Variants in FBXO42 observed in about 807,000 individuals in gnomAD.
The protein encoded by FBXO42 is F-box only protein 42.
In FBXO42, 12 loss-of-function variants were observed where a neutral mutation model predicts 71.7. That is an observed-to-expected ratio of 0.17 (90% confidence interval 0.11 to 0.27). The LOEUF is 0.27. Ranked by LOEUF, FBXO42 falls within the 10% of genes least tolerant of loss-of-function variation. The probability of loss-of-function intolerance (pLI) is 1.00; values close to 1 mark genes in which losing one functional copy is unlikely to be tolerated. For synonymous variants in FBXO42, 325 were observed against 327.5 expected, an observed-to-expected ratio of 0.99 and a Z score of 0.08; for missense variants, 707 against 911.9, an observed-to-expected ratio of 0.78 and a Z score of 2.89.
chr1:16,256,466 T>C, intron 5 of FBXO42, 140 bp downstream of exon 5: 1 of 825,070 alleles, frequency 1.2e-6, no homozygotes. Context: ...TCTGTGAATA[T>C]GTGCATTTTT....
At chr1:16,278,357 C>CAA (rs796617095) in intron 4 of FBXO42, among the ~76,000 whole-genome samples, 7 of 135,408 alleles carry the variant, frequency 5.2e-5, no homozygotes, top group African/African-American at 1.8e-4. Context: ...AACTCCATCT[C>CAA]AAAAAAAAAA....
intron 1 of FBXO42, among the ~76,000 whole-genome samples, chr1:16,342,384 G>A (rs1442497675): frequency 8.3e-6 from 1 of 120,302 alleles, no homozygotes; most frequent in African/African-American, 3.3e-5. Flanking sequence ...CAAGAAGAGC[G>A]AAACTCTGTC....
intron 3 of FBXO42, among the ~76,000 whole-genome samples, chr1:16,305,253 T>C (rs1011982374): frequency 6.6e-6 from 1 of 151,902 alleles, no homozygotes; most frequent in African/African-American, 2.4e-5. Flanking sequence ...CCAGGCGTGG[T>C]GGCATGCACC....
At chr1:16,255,613 G>A in intron 6 of FBXO42, 98 bp downstream of exon 6, 1 of 965,216 alleles carries the variant, frequency 1.0e-6, no homozygotes, top group South Asian at 1.7e-5. Flanking sequence ...GGGATTACAG[G>A]TGTGAATTAG....
chr1:16,332,653 G>C (rs957831508), intron 1 of FBXO42, among the ~76,000 whole-genome samples: 2 of 151,078 alleles, frequency 1.3e-5, no homozygotes, highest in Non-Finnish European at 2.9e-5. Flanking sequence ...TGATTCTCCT[G>C]CCTCAAGCTG....
intron 1 of FBXO42, among the ~76,000 whole-genome samples, chr1:16,350,753 A>AC (rs1553156680): frequency 3.5e-5 from 1 of 28,872 alleles, no homozygotes; most frequent in Non-Finnish European, 6.3e-5. Flanking sequence ...CAAAAAAAAA[A>AC]AAAAAAAGAA....
At chr1:16,337,247 C>T (rs980820169) in intron 1 of FBXO42, among the ~76,000 whole-genome samples, 2 of 152,044 alleles carry the variant, frequency 1.3e-5, no homozygotes, top group Non-Finnish European at 2.9e-5. Flanking sequence ...TGTATTCTCA[C>T]CTTGATGATG....
Position 16,255,755 on chromosome 1 carries a change from A to T in FBXO42, c.723T>A (p.Asp241Glu), listed in dbSNP as rs1207681772. 1.9e-6 allele frequency: 3 copies of T among 1,614,040 alleles called. No homozygotes were observed. In the East Asian group the frequency reaches 6.7e-5, roughly 36 times the overall value. ...PMAGHSSCVI[D>E]DKMIVFGGSL... ...AGCCACCAAAGACAATCATTTTATC[A>T]TCTATCACACAGGAGGAGTGGCCAG... Residue 241 changes from aspartate to glutamate, a missense_variant, in exon 6 of 10, where the codon GAT becomes GAA. Coordinates refer to ENST00000375592, the MANE Select transcript of FBXO42 (RefSeq NM_018994.3).
intron 4 of FBXO42, among the ~76,000 whole-genome samples, chr1:16,266,023 AACTG>A (rs1361286715): frequency 1.3e-5 from 2 of 152,186 alleles, no homozygotes; most frequent in Admixed American, 1.3e-4. Flanking sequence ...TTTGGGGAGA[AACTG>A]ACTTATTTAT....
intron 3 of FBXO42, among the ~76,000 whole-genome samples, chr1:16,302,802 G>A (rs76309143): frequency 0.027 from 4,120 of 152,248 alleles, 187 homozygotes; most frequent in African/African-American, 0.092. Flanking sequence ...AAGCCACTGC[G>A]GCCAGCCGAA....
intron 1 of FBXO42, among the ~76,000 whole-genome samples, chr1:16,320,826 T>C (rs2082404840): frequency 6.6e-6 from 1 of 152,060 alleles, no homozygotes; most frequent in South Asian, 2.1e-4. Flanking sequence ...CCTAACTTTC[T>C]TATATTTTTA....
chr1:16,315,215 G>T lies in FBXO42; in HGVS notation c.204C>A (p.His68Gln), dbSNP rs758176756. The T allele has an allele frequency of 2.5e-6, 4 of 1,614,020 alleles. No individual in the cohort carries two copies. The Admixed American group carries it at 6.7e-5, about 27-fold the overall frequency. ...ILSFLSPYQE[H>Q]KTAALVCKQW... ...GTTTGCAGACAAGGGCCGCAGTTTT[G>T]TGTTCCTGATACGGTGAGAGAAAGG... is the stretch of plus-strand genomic sequence containing the variant. Residue 68 changes from histidine (H) to glutamine (Q), a missense_variant, in exon 2 of 10, where the codon CAC (histidine) becomes CAA (glutamine). His to Gln is a conservative substitution (Grantham distance 24, BLOSUM62 0). This residue lies in a region of FBXO42 where 188 missense variants were observed against 230.5 expected (regional missense o/e 0.82). Transcript: ENST00000375592.
At chr1:16,305,676 T>A in intron 3 of FBXO42, 127 bp downstream of exon 3, 1 of 766,000 alleles carries the variant, frequency 1.3e-6, no homozygotes, top group Non-Finnish European at 2.3e-6. Context: ...ATTATGCCAC[T>A]GCACTCCAGC....
At chr1:16,333,174 T>C (rs6662325) in intron 1 of FBXO42, among the ~76,000 whole-genome samples, 3,985 of 152,232 alleles carry the variant, frequency 0.026, 178 homozygotes, top group African/African-American at 0.089. Flanking sequence ...TACAGTATCT[T>C]CATTATCTCA....
chr1:16,277,191 TC>T (rs2081912734), intron 4 of FBXO42, among the ~76,000 whole-genome samples: 1 of 152,188 alleles, frequency 6.6e-6, no homozygotes, highest in Non-Finnish European at 1.5e-5. Context: ...GGCACGTGTG[TC>T]CTCTTGTTAT....
At chr1:16,289,803 G>T (rs2082059823) in intron 4 of FBXO42, among the ~76,000 whole-genome samples, 1 of 151,982 alleles carries the variant, frequency 6.6e-6, no homozygotes, top group South Asian at 2.1e-4. Flanking sequence ...GCATGGTGGT[G>T]CACGTTTGTA....
intron 4 of FBXO42, among the ~76,000 whole-genome samples, chr1:16,285,879 T>G (rs895470531): frequency 6.6e-6 from 1 of 152,084 alleles, no homozygotes; most frequent in Non-Finnish European, 1.5e-5. Flanking sequence ...GTTTTTGTTG[T>G]TCTTTTTGAG....
At chr1:16,341,700 G>A (rs573682403) in intron 1 of FBXO42, among the ~76,000 whole-genome samples, 2 of 151,706 alleles carry the variant, frequency 1.3e-5, no homozygotes, top group Non-Finnish European at 2.9e-5. Context: ...GCCGGGTGCG[G>A]TGGCTCATGC....
chr1:16,283,912 T>A (rs2081993568), intron 4 of FBXO42, among the ~76,000 whole-genome samples: 1 of 152,200 alleles, frequency 6.6e-6, no homozygotes, highest in South Asian at 2.1e-4. Context: ...AATTTCTACT[T>A]GAAAACTTCT....
Sources: gnomAD v4.1 joint callset for allele counts (sites outside exome capture counted in the v4.1 genomes callset) on GRCh38, gnomAD v4.1.1 for gene constraint, gnomAD v4.1.1 regional missense constraint, MANE v1.5 for transcripts, NCBI Gene and HGNC (gene_info 2026-07-23, HGNC 2026-07-21) for gene names.